Variants in PLCH2 observed in about 807,000 individuals in gnomAD.
PLCH2 encodes 1-phosphatidylinositol 4,5-bisphosphate phosphodiesterase eta-2.
Under a neutral mutation model 134.7 loss-of-function variants are expected in PLCH2, and 98 were observed. The ratio of observed to expected loss-of-function variants is 0.73; its 90% CI spans 0.62 to 0.86. The LOEUF is 0.86. PLCH2 is among the 40% of genes least tolerant of loss of function. The pLI is 0.00. For missense variants in PLCH2, 1,994 were observed against 1,986.6 expected (o/e 1.00, Z -0.07); for synonymous variants, 974 against 827.5 (o/e 1.18, Z -3.04).
chr1:2,481,923 A>G (rs1379654976), intron 4 of PLCH2, among the ~76,000 whole-genome samples: 1 of 152,244 alleles, frequency 6.6e-6, no homozygotes, highest in Non-Finnish European at 1.5e-5. Context: ...AAATCTGGAG[A>G]TGGCTCCCAT....
At chr1:2,451,935 C>T (rs942819) in intron 2 of PLCH2, among the ~76,000 whole-genome samples, 19,379 of 152,264 alleles carry the variant, frequency 0.13, 1,378 homozygotes, top group East Asian at 0.26. Flanking sequence ...AAAACACGTT[C>T]TGAGCCCCGG....
intron 8 of PLCH2, among the ~76,000 whole-genome samples, chr1:2,488,032 T>TTGGCTGTCACTCAGCTG (rs1553252300): frequency 2.0e-5 from 3 of 152,248 alleles, no homozygotes; most frequent in African/African-American, 7.2e-5. Flanking sequence ...CCAGACTCAA[T>TTGGCTGTCACTCAGCTG]TGGCTGTCAC....
upstream of PLCH2, among the ~76,000 whole-genome samples, chr1:2,421,375 T>C (rs1638508513): frequency 6.6e-6 from 1 of 152,260 alleles, no homozygotes. Context: ...TCTCATCAGC[T>C]GGTTGTTGGA....
At chr1:2,453,414 G>A (rs1640338456) in intron 2 of PLCH2, among the ~76,000 whole-genome samples, 1 of 152,182 alleles carries the variant, frequency 6.6e-6, no homozygotes, top group Non-Finnish European at 1.5e-5. Context: ...TGTCCTATCT[G>A]GAGGGCTCAC....
intron 1 of PLCH2, among the ~76,000 whole-genome samples, chr1:2,430,083 G>A (rs915838330): frequency 6.6e-6 from 1 of 152,196 alleles, no homozygotes; most frequent in Non-Finnish European, 1.5e-5. Flanking sequence ...CTGCCCCAGA[G>A]ACTTGGGGTT....
chr1:2,487,603 T>G lies in PLCH2; in HGVS notation c.1120T>G (p.Cys374Gly), dbSNP rs934126679. The G allele has an allele frequency of 6.2e-7, 1 of 1,612,484 alleles. No individual in the cohort carries two copies. The highest frequency in any genetic ancestry group is 1.3e-5 in the African/African-American group (1 of 74,938). ...QAGCRCVEVD[C>G]WDGPDGEPIV... ...CAAGGCCTGCCCGCCTGCAGTGGAC[T>G]GCTGGGATGGGCCCGACGGGGAGCC... is the stretch of plus-strand genomic sequence containing the variant. Residue 374 changes from cysteine to glycine, a missense_variant, in exon 8 of 22, where the codon TGC (cysteine) becomes GGC (glycine). Around this residue, in one of 2 missense-constraint regions of PLCH2, gnomAD observed 1,094 missense variants for 1,234.3 expected, o/e 0.89. Coordinates refer to ENST00000378486, the MANE Select transcript of PLCH2 (RefSeq NM_014638.4).
Position 2,504,250 on chromosome 1 carries a change from T to TGAG in PLCH2, c.3290_3292dup (p.Glu1097dup). The TGAG allele has an allele frequency of 1.9e-6, 3 of 1,585,546 alleles. No homozygotes were observed. On this transcript the variant is annotated inframe_insertion, in exon 22 of 22. Transcript: ENST00000378486. ...TGCCCGTGATTAGAAGGGTGAAGAG[T>TGAG]GAGGGGCAGGTGCCCACGGAGCCCC...
chr1:2,499,731 C>A lies in PLCH2; in HGVS notation c.2661+11C>A, dbSNP rs1222612530. ...GACATCAGCGGTAAGGTGAGTGTCA[C>A]CCCCTGCCACCAGCCATCATGGGGA... On this transcript the variant is annotated intron_variant, in intron 20 of 21. Transcript: ENST00000378486. The A allele has an allele frequency of 1.9e-6, 3 of 1,561,352 alleles. No individual in the cohort carries two copies. Among genetic ancestry groups the A allele is most frequent in the Non-Finnish European group, 8.7e-7 (1 of 1,151,242 alleles).
chr1:2,423,618 G>T (rs975937917), upstream of PLCH2, among the ~76,000 whole-genome samples: 1 of 152,150 alleles, frequency 6.6e-6, no homozygotes, highest in African/African-American at 2.4e-5. Context: ...TGACTTGTTG[G>T]GGTAAGGGGG....
At chr1:2,460,419 G>A (rs1353395244) in intron 2 of PLCH2, among the ~76,000 whole-genome samples, 1 of 152,200 alleles carries the variant, frequency 6.6e-6, no homozygotes, top group Admixed American at 6.5e-5. Flanking sequence ...TAGGGGTATG[G>A]AACAGGTGGG....
chr1:2,419,021 C>T, the PLCH2 span, among the ~76,000 whole-genome samples: 2 of 152,234 alleles, frequency 1.3e-5, no homozygotes, highest in Non-Finnish European at 1.5e-5. Context: ...CTGTGCCCGA[C>T]GCCTCTCTCT....
chr1:2,420,389 G>A, the PLCH2 span, among the ~76,000 whole-genome samples: 8 of 152,192 alleles, frequency 5.3e-5, no homozygotes, highest in Non-Finnish European at 7.3e-5. Context: ...GGGGGCCTGT[G>A]GGGCCCAGTG....
At chr1:2,416,497 T>C in the PLCH2 span, among the ~76,000 whole-genome samples, 2 of 151,934 alleles carry the variant, frequency 1.3e-5, no homozygotes, top group Non-Finnish European at 2.9e-5. Flanking sequence ...GGAGCCGCAC[T>C]CCACCCGTCT....
intron 2 of PLCH2, among the ~76,000 whole-genome samples, chr1:2,440,867 C>T (rs1023892176): frequency 6.6e-6 from 1 of 152,218 alleles, no homozygotes; most frequent in Non-Finnish European, 1.5e-5. Context: ...TCCCTGGGTC[C>T]CTGGTGCTTG....
At chr1:2,476,813 A>G (rs1641654397) in intron 1 of PLCH2, 101 bp downstream of exon 1, 4 of 1,264,116 alleles carry the variant, frequency 3.2e-6, no homozygotes, top group African/African-American at 1.5e-5. Flanking sequence ...CTGGGCCTCC[A>G]TCCCATCCTG....
At chr1:2,480,385 C>T in intron 4 of PLCH2, 73 bp downstream of exon 4, 3 of 1,506,862 alleles carry the variant, frequency 2.0e-6, no homozygotes, top group South Asian at 2.4e-5. Flanking sequence ...TGGCTGGGAG[C>T]CTGCCAGCCC....
the PLCH2 span, among the ~76,000 whole-genome samples, chr1:2,419,006 G>T: frequency 7.2e-5 from 11 of 152,192 alleles, no homozygotes; most frequent in African/African-American, 2.7e-4. Context: ...CCCCATCCTC[G>T]GGGTCTGTGC....
At chr1:2,500,872 T>G (rs1290850371) in intron 20 of PLCH2, 1 of 82,408 alleles carries the variant, frequency 1.2e-5, no homozygotes, top group Non-Finnish European at 2.5e-5. Flanking sequence ...CTCCCCTCCC[T>G]CAGCCCCTTC....
chr1:2,475,719 G>C (rs1641578528), upstream of PLCH2, among the ~76,000 whole-genome samples: 1 of 152,226 alleles, frequency 6.6e-6, no homozygotes, highest in Non-Finnish European at 1.5e-5. Flanking sequence ...GGTGACCGTG[G>C]AGAAAGGTCA....
Sources: gnomAD v4.1 joint callset for allele counts (sites outside exome capture counted in the v4.1 genomes callset) on GRCh38, gnomAD v4.1.1 for gene constraint, gnomAD v4.1.1 regional missense constraint, MANE v1.5 for transcripts, NCBI Gene and HGNC (gene_info 2026-07-23, HGNC 2026-07-21) for gene names.